LIME1: variants seen among roughly 807,000 people sequenced by gnomAD.
LIME1 encodes the protein Lck interacting transmembrane adaptor 1.
Under a neutral mutation model 18.8 loss-of-function variants are expected in LIME1, and 23 were observed. The ratio of observed to expected loss-of-function variants is 1.22; its 90% CI spans 0.88 to 1.73. The LOEUF (loss-of-function observed/expected upper bound fraction) is 1.73, where lower values mean the gene tolerates loss of function less well. Ranked by LOEUF, LIME1 falls within the 40% of genes most tolerant of loss-of-function variation. The probability of loss-of-function intolerance (pLI) is 0.00; values close to 1 mark genes in which losing one functional copy is unlikely to be tolerated. For synonymous variants in LIME1, 177 were observed against 182.3 expected, an observed-to-expected ratio of 0.97 and a Z score of 0.23; for missense variants, 423 against 396.8, an observed-to-expected ratio of 1.07 and a Z score of -0.56.
chr20:63,737,289 G>A (rs1037874889), intron 1 of LIME1: 2 of 1,249,246 alleles, frequency 1.6e-6, no homozygotes, highest in East Asian at 6.8e-5. Flanking sequence ...TGTTACCGTG[G>A]TCACCCGCAG....
chr20:63,738,816 C>T lies in LIME1; in HGVS notation c.804C>T (p.Ser268=), dbSNP rs758649965. The T allele has an allele frequency of 7.6e-5, 123 of 1,612,212 alleles. No homozygotes were observed. Among genetic ancestry groups the T allele is most frequent in the Non-Finnish European group, 9.8e-5 (116 of 1,179,716 alleles). Residue 268 remains serine, a synonymous_variant, in exon 6 of 6, where the codon AGC becomes AGT. Coordinates refer to ENST00000309546, the MANE Select transcript of LIME1 (RefSeq NM_017806.4). The part of the protein sequence containing the change: ...RELGDPAGRS[S]TCGAGTPPAS... ...TGGGGGACCCTGCTGGCAGGAGCAGCACGTGCGGGGCTGGGACGCCCCCTG... is the reference window on the plus strand; with the variant it reads ...TGGGGGACCCTGCTGGCAGGAGCAGTACGTGCGGGGCTGGGACGCCCCCTG...
upstream of LIME1, chr20:63,736,168 G>T (rs1489881712): frequency 1.1e-5 from 6 of 543,802 alleles, no homozygotes; most frequent in Non-Finnish European, 1.6e-5. Flanking sequence ...CTGGCTGCAG[G>T]GTCTCTGGGG....
upstream of LIME1, chr20:63,736,270 C>G (rs967780813): frequency 4.1e-6 from 1 of 246,778 alleles, no homozygotes; most frequent in Non-Finnish European, 8.0e-6. Flanking sequence ...CTTCTCTGAC[C>G]AAGGCAGATC....
Position 63,737,230 on chromosome 20 carries a change from G to T in LIME1, c.-17-303G>T, listed in dbSNP as rs2092000712. The T allele has an allele frequency of 1.8e-5, 20 of 1,138,480 alleles. No individual in the cohort carries two copies. The South Asian group carries it at 7.0e-4, about 40-fold the overall frequency. The allele number at this position is 1,138,480 out of a possible 1,614,324, so 70.5% of individuals were successfully genotyped here. ...GCTCCCCCGATGCTGGTTACTATCT[G>T]GGCTATGGTGGCCACAGCTGTCTTG... On this transcript the variant is annotated intron_variant, in intron 1 of 5. Transcript: ENST00000309546.
Position 63,738,041 on chromosome 20 carries a change from G to A in LIME1, c.249G>A (p.Arg83=), listed in dbSNP as rs1349283122. Residue 83 remains arginine (R), a synonymous_variant, in exon 4 of 6, where the codon CGG becomes CGA. Transcript: ENST00000309546. ...ACACCAGACTGCACGAGCTGCACCG[G>A]GGCCCGCGCAGCAGCAGGGGTGAGC... ...KSDTRLHELH[R]GPRSSRALRP... 3 of 1,553,270 alleles carry A rather than the reference G, an allele frequency of 1.9e-6. No individual in the cohort carries two copies. The highest frequency in any genetic ancestry group is 3.7e-5 in the Admixed American group (2 of 53,726).
chr20:63,737,747 G>T, intron 2 of LIME1, 74 bp from the exon 3 acceptor site: 1 of 1,416,166 alleles, frequency 7.1e-7, no homozygotes, highest in Middle Eastern at 2.6e-4. Context: ...ACCCAGCTCG[G>T]CACGCGCGCC....
rs1394495725 is a variant in LIME1, at chr20:63,738,190, G to A, written c.276G>A (p.Arg92=). Residue 92 remains arginine, a synonymous_variant, in exon 5 of 6, where the codon CGG becomes CGA. Coordinates refer to ENST00000309546, the MANE Select transcript of LIME1 (RefSeq NM_017806.4). ...CCCTGACCCCACCCCCAGCCCTGCG[G>A]CCTGCCAGCATGGATCTCCTGCGCC... ...HRGPRSSRAL[R]PASMDLLRPH... 1 of 1,574,752 alleles carries A rather than the reference G, an allele frequency of 6.4e-7. No individual in the cohort carries two copies. Among genetic ancestry groups the A allele is most frequent in the Non-Finnish European group, 8.6e-7 (1 of 1,165,676 alleles).
Position 63,737,058 on chromosome 20 carries a change from A to G in LIME1, c.-18+346A>G, listed in dbSNP as rs535657448. 180 of 987,090 alleles carry G rather than the reference A, an allele frequency of 1.8e-4. 2 individuals carry two copies. In the South Asian group the frequency reaches 4.3e-3, roughly 23 times the overall value. The allele number at this position is 987,090 out of a possible 1,614,324, so 61.1% of individuals were successfully genotyped here. On this transcript the variant is annotated intron_variant, in intron 1 of 5. Coordinates refer to ENST00000309546, the MANE Select transcript of LIME1 (RefSeq NM_017806.4). ...CCCAGCCTCCAGCTCCTCCGGGTGC[A>G]GGGTCCCTCCTGCTGACCAGCCTCC...
upstream of LIME1, chr20:63,735,771 C>T (rs752269950): frequency 1.9e-4 from 302 of 1,589,498 alleles, no homozygotes; most frequent in Non-Finnish European, 2.3e-4. Flanking sequence ...ACTAGTGAGC[C>T]CCTCCGCAGG....
chr20:63,736,671 G>C lies in LIME1; in HGVS notation c.-59G>C. 1.0e-6 allele frequency: 1 copy of C among 985,812 alleles called. No homozygotes were observed. Among genetic ancestry groups the C allele is most frequent in the Non-Finnish European group, 1.2e-6 (1 of 830,242 alleles). 61.1% of individuals were successfully genotyped at this position (985,812 alleles called of 1,614,324 possible). On this transcript the variant is annotated 5_prime_UTR_variant, in exon 1 of 6. Coordinates refer to ENST00000309546, the MANE Select transcript of LIME1 (RefSeq NM_017806.4). ...CGAGGGCTGCACAAAGACCTTCCTG[G>C]CCTGCCCCAGACAGAGCTGAGGACC...
At chr20:63,736,603 G>A (rs937851952), upstream of LIME1, 20 of 986,704 alleles carry the variant, frequency 2.0e-5, no homozygotes, top group East Asian at 1.1e-4. Flanking sequence ...CAGGGGAGGC[G>A]CTTGGCGACA....
At chr20:63,736,154 T>G, upstream of LIME1, 1 of 589,238 alleles carries the variant, frequency 1.7e-6, no homozygotes, top group South Asian at 2.1e-5. Context: ...TCAGTGGAGA[T>G]CAGCTGGCTG....
chr20:63,737,474 T>A (rs924287416), intron 1 of LIME1, 59 bp from the exon 2 acceptor site: 1 of 1,404,638 alleles, frequency 7.1e-7, no homozygotes, highest in African/African-American at 1.5e-5. Flanking sequence ...GATTTGGGGC[T>A]GCCAGGTGGC....
upstream of LIME1, chr20:63,736,485 C>A: frequency 2.8e-6 from 1 of 357,338 alleles, no homozygotes; most frequent in Non-Finnish European, 3.9e-6. Flanking sequence ...GTGAGTTAGG[C>A]TGTCAGAACA....
At chr20:63,735,999 GGCCGGCCT>G (rs1202609935), upstream of LIME1, 15 of 1,547,766 alleles carry the variant, frequency 9.7e-6, no homozygotes, top group Admixed American at 5.6e-5. Context: ...CCCGAGGAGG[GGCCGGCCT>G]GCTGGCCTGG....
In LIME1 at chr20:63,737,819, A is replaced by C; in HGVS notation, c.99-2A>C. 7.4e-7 allele frequency: 1 copy of C among 1,343,010 alleles called. No individual in the cohort carries two copies. Among genetic ancestry groups the C allele is most frequent in the Non-Finnish European group, 1.0e-6 (1 of 1,003,836 alleles). The allele number at this position is 1,343,010 out of a possible 1,614,324, so 83.2% of individuals were successfully genotyped here. On this transcript the variant is annotated splice_acceptor_variant, in intron 2 of 5. Transcript: ENST00000309546. LOFTEE classifies it high-confidence loss of function. Reference sequence around the variant, plus strand: ...CCCCCGCCCCCCACCTCTACCCCCAAGGCCCGAGGACGCTGTAGCCCCCAG... The same window carrying C: ...CCCCCGCCCCCCACCTCTACCCCCACGGCCCGAGGACGCTGTAGCCCCCAG...
chr20:63,738,756 C>A lies in LIME1; in HGVS notation c.744C>A (p.Gly248=). The A allele has an allele frequency of 5.6e-6, 9 of 1,613,050 alleles. No homozygotes were observed. The highest frequency in any genetic ancestry group is 1.3e-5 in the African/African-American group (1 of 75,064). The change falls in exon 6 of 6, where the codon GGC becomes GGA. Residue 248 remains glycine, a synonymous_variant. Transcript: ENST00000309546. ...LPLRALDVDS[G]PLENVYESIR... ...TCAGGGCCCTGGATGTGGACAGCGG[C>A]CCCCTGGAAAACGTGTATGAGAGCA...
In LIME1 at chr20:63,738,998, C is replaced by G. The variant is rs1334405620; in HGVS notation, c.*98C>G. 7 of 1,176,094 alleles carry G rather than the reference C, an allele frequency of 6.0e-6. No homozygotes were observed. The highest frequency in any genetic ancestry group is 2.9e-5 in the Admixed American group (1 of 34,178). The allele number at this position is 1,176,094 out of a possible 1,614,324, so 72.9% of individuals were successfully genotyped here. A position where few individuals can be genotyped will look rare whatever the true frequency, so the allele number is the denominator to read the frequency against. ...GCGCCAGTCCCAGGTCCCCGGGCTG[C>G]CAGCCCGTGAGGTCCGTGAGGTCCT... On this transcript the variant is annotated 3_prime_UTR_variant, in exon 6 of 6. Transcript: ENST00000309546.
rs764991451 is a variant in LIME1, at chr20:63,738,112, G to T, written c.268+52G>T. On this transcript the variant is annotated intron_variant, in intron 4 of 5. Transcript: ENST00000309546. ...CCGGGCGGGGCTTACTGTGCAGCGC[G>T]TGCCAACCCCTGGGCCAGACCCGCT... The T allele has an allele frequency of 1.9e-4, 290 of 1,522,934 alleles. No homozygotes were observed. In the Middle Eastern group the frequency reaches 3.5e-3, roughly 19 times the overall value. The allele number at this position is 1,522,934 out of a possible 1,614,324, so 94.3% of individuals were successfully genotyped here. A position where few individuals can be genotyped will look rare whatever the true frequency, so the allele number is the denominator to read the frequency against.
Sources: allele counts gnomAD v4.1 joint callset, GRCh38; gene constraint gnomAD v4.1.1; transcripts MANE v1.5; gene names NCBI Gene and HGNC (gene_info 2026-07-23, HGNC 2026-07-21).